RANBP9: variants seen among roughly 807,000 people sequenced by gnomAD.
RANBP9 encodes RAN binding protein 9.
A neutral mutation model predicts 84.3 loss-of-function variants in RANBP9; 15 were observed. That is an observed-to-expected ratio of 0.18 (90% confidence interval 0.12 to 0.27). RANBP9 has a LOEUF of 0.27. Among genes scored for constraint, RANBP9 ranks in the 10% least tolerant of loss-of-function variants. The pLI, the probability that RANBP9 is intolerant of heterozygous loss-of-function variation, is 1.00. For synonymous variants in RANBP9, 392 were observed against 349.6 expected (o/e 1.12, Z -1.35); for missense variants, 809 against 912.8 (o/e 0.89, Z 1.46).
intron 2 of RANBP9, among the ~76,000 whole-genome samples, chr6:13,670,232 G>A (rs1765743356): frequency 2.0e-5 from 3 of 152,030 alleles, no homozygotes; most frequent in Non-Finnish European, 4.4e-5. Flanking sequence ...GGCGGAGGTT[G>A]CAGTGAACTC....
intron 1 of RANBP9, among the ~76,000 whole-genome samples, chr6:13,700,380 T>C (rs1757936712): frequency 6.6e-6 from 1 of 152,292 alleles, no homozygotes; most frequent in Middle Eastern, 3.4e-3. Flanking sequence ...CCACCTGCAC[T>C]TTCCACCTCC....
intron 9 of RANBP9, among the ~76,000 whole-genome samples, chr6:13,638,547 G>A (rs923597645): frequency 1.3e-5 from 2 of 151,922 alleles, no homozygotes; most frequent in African/African-American, 4.8e-5. Flanking sequence ...AAATAAATCT[G>A]TGGCTGGGCA....
chr6:13,672,544 A>G (rs1765799306), intron 2 of RANBP9, among the ~76,000 whole-genome samples: 1 of 152,180 alleles, frequency 6.6e-6, no homozygotes, highest in South Asian at 2.1e-4. Context: ...AACACAGCCT[A>G]ACTCCCAGCC....
chr6:13,643,139 A>G (rs1765105062), intron 6 of RANBP9, among the ~76,000 whole-genome samples: 1 of 152,228 alleles, frequency 6.6e-6, no homozygotes, highest in Non-Finnish European at 1.5e-5. Context: ...ACATGTCTAT[A>G]AGTGTACTAC....
intron 13 of RANBP9, 92 bp from the exon 14 acceptor site, chr6:13,622,584 A>G (rs1466748114): frequency 7.6e-7 from 1 of 1,316,168 alleles, no homozygotes; most frequent in African/African-American, 1.5e-5. Flanking sequence ...GACTTTAAAA[A>G]CTACCACTCC....
Position 13,711,237 on chromosome 6 carries a change from G to A in RANBP9, c.269C>T (p.Pro90Leu). 1 of 991,908 alleles carries A rather than the reference G, an allele frequency of 1.0e-6. No homozygotes were observed. Among genetic ancestry groups the A allele is most frequent in the Non-Finnish European group, 1.2e-6 (1 of 834,982 alleles). The allele number at this position is 991,908 out of a possible 1,614,324, so 61.4% of individuals were successfully genotyped here. Residue 90 changes from proline to leucine, a missense_variant, in exon 1 of 14, where the codon CCT becomes CTT. By Grantham distance (98) the Pro-to-Leu change is moderately conservative. This residue lies in a region of RANBP9 where 302 missense variants were observed against 240.1 expected (regional missense o/e 1.26). Coordinates refer to ENST00000011619, the MANE Select transcript of RANBP9 (RefSeq NM_005493.3). The part of the protein sequence containing the change: ...AAPPPPPPPP[P>L]PPASAAAPAS... ...GGGGGCAGCCGCTGAGGCAGGGGGA[G>A]GCGGGGGCGGCGGCGGGGGCGGCGG...
At chr6:13,683,097 CT>C (rs1393652053) in intron 2 of RANBP9, among the ~76,000 whole-genome samples, 2 of 152,182 alleles carry the variant, frequency 1.3e-5, no homozygotes, top group Non-Finnish European at 2.9e-5. Context: ...CTTAACCAGT[CT>C]GTTTTTCCAT....
intron 2 of RANBP9, among the ~76,000 whole-genome samples, chr6:13,665,271 A>G (rs1306980975): frequency 6.6e-6 from 1 of 152,178 alleles, no homozygotes; most frequent in African/African-American, 2.4e-5. Flanking sequence ...AAACTTTAGC[A>G]AAATTTAAAA....
intron 13 of RANBP9, among the ~76,000 whole-genome samples, chr6:13,624,308 C>T (rs991035617): frequency 2.0e-5 from 3 of 152,112 alleles, no homozygotes; most frequent in Admixed American, 2.0e-4. Flanking sequence ...TGTAAGAGTC[C>T]TGGCCCTCAT....
At chr6:13,663,688 A>G (rs923094057) in intron 2 of RANBP9, among the ~76,000 whole-genome samples, 3 of 152,178 alleles carry the variant, frequency 2.0e-5, no homozygotes, top group Admixed American at 1.3e-4. Flanking sequence ...AATTCTAATA[A>G]TGTATCAAAA....
At chr6:13,643,200 AC>A (rs1260520488) in intron 6 of RANBP9, among the ~76,000 whole-genome samples, 2 of 152,326 alleles carry the variant, frequency 1.3e-5, no homozygotes, top group East Asian at 3.9e-4. Flanking sequence ...CTATGGTTTT[AC>A]CCAAGAGATT....
rs147312293 is a variant in RANBP9, at chr6:13,688,157, G to A, written c.683+8628C>T. Among the ~76,000 whole-genome samples the A allele has an allele frequency of 3.0e-4, 45 of 152,260 alleles. No individual in the cohort carries two copies. In the East Asian group the frequency reaches 8.3e-3, roughly 28 times the overall value. On this transcript the variant is annotated intron_variant, in intron 2 of 13. Coordinates refer to ENST00000011619, the MANE Select transcript of RANBP9 (RefSeq NM_005493.3). ...CACTATTATTTCCTTTTCACAGACT[G>A]AGAGAGTCTGTCAAAAAATACAAAA...
intron 12 of RANBP9, among the ~76,000 whole-genome samples, chr6:13,626,340 A>G (rs1376580091): frequency 6.6e-6 from 1 of 152,116 alleles, no homozygotes; most frequent in Non-Finnish European, 1.5e-5. Context: ...TCAAACAACT[A>G]CTTTATATTT....
chr6:13,623,351 G>A lies in RANBP9; in HGVS notation c.2060-859C>T, dbSNP rs181490970. Reference sequence around the variant, plus strand: ...AAACAGTTGACACATGGCTAGGAAGGCTTCATATGGTTTAACTCCACTCTT... The same window carrying A: ...AAACAGTTGACACATGGCTAGGAAGACTTCATATGGTTTAACTCCACTCTT... On this transcript the variant is annotated intron_variant, in intron 13 of 13. Coordinates refer to ENST00000011619, the MANE Select transcript of RANBP9 (RefSeq NM_005493.3). Among the ~76,000 whole-genome samples the A allele has an allele frequency of 3.9e-5, 6 of 152,312 alleles. No individual in the cohort carries two copies. The East Asian group carries it at 1.2e-3, about 29-fold the overall frequency.
intron 2 of RANBP9, among the ~76,000 whole-genome samples, chr6:13,686,833 C>T (rs141025633): frequency 4.5e-4 from 69 of 152,296 alleles, no homozygotes; most frequent in African/African-American, 1.6e-3. Context: ...TGACACACTG[C>T]ACCTGCTATC....
At chr6:13,680,261 GA>G (rs1282571538) in intron 2 of RANBP9, among the ~76,000 whole-genome samples, 6 of 151,934 alleles carry the variant, frequency 3.9e-5, no homozygotes, top group Admixed American at 6.6e-5. Context: ...ACCATCATAC[GA>G]AAAAACTTTT....
intron 12 of RANBP9, among the ~76,000 whole-genome samples, chr6:13,628,149 G>C (rs536197667): frequency 5.1e-4 from 78 of 152,292 alleles, no homozygotes; most frequent in African/African-American, 1.8e-3. Flanking sequence ...CTATCATCTA[G>C]AGAAGCAAAC....
intron 2 of RANBP9, among the ~76,000 whole-genome samples, chr6:13,670,939 G>C (rs532743482): frequency 6.6e-6 from 1 of 151,970 alleles, no homozygotes; most frequent in Non-Finnish European, 1.5e-5. Context: ...ATATCTGATA[G>C]GGTAACTTTT....
chr6:13,706,980 T>C (rs1202158170), intron 1 of RANBP9, among the ~76,000 whole-genome samples: 1 of 143,146 alleles, frequency 7.0e-6, no homozygotes, highest in African/African-American at 2.6e-5. Flanking sequence ...CACTCCAGCC[T>C]GGACGATAGA....
Sources: allele counts gnomAD v4.1 joint callset (sites outside exome capture counted in the v4.1 genomes callset), GRCh38; gene constraint gnomAD v4.1.1; regional missense constraint gnomAD v4.1.1; transcripts MANE v1.5; gene names NCBI Gene and HGNC (gene_info 2026-07-23, HGNC 2026-07-21).